The following HPS3 variants were observed in gnomAD, a reference collection of about 807,000 sequenced individuals.
The protein encoded by HPS3 is HPS3 biogenesis of lysosomal organelles complex 2 subunit 1, also known as BLOC-2 complex member HPS3.
A neutral mutation model predicts 110.9 loss-of-function variants in HPS3; 79 were observed. The observed-to-expected ratio is 0.71, with a 90% confidence interval of 0.59 to 0.86. The LOEUF (loss-of-function observed/expected upper bound fraction) is 0.86, where lower values mean the gene tolerates loss of function less well. HPS3 is among the 40% of genes least tolerant of loss of function. The pLI, the probability that HPS3 is intolerant of heterozygous loss-of-function variation, is 0.00. For missense variants in HPS3, 1,197 were observed against 1,206.2 expected, an observed-to-expected ratio of 0.99 and a Z score of 0.11; for synonymous variants, 428 against 451.0, an observed-to-expected ratio of 0.95 and a Z score of 0.65.
intron 1 of HPS3, chr3:149,130,288 A>G: frequency 2.7e-6 from 1 of 366,532 alleles, no homozygotes; most frequent in South Asian, 3.3e-5. Flanking sequence ...AAGACTTACC[A>G]AAAAAACAAG....
intron 1 of HPS3, among the ~76,000 whole-genome samples, chr3:149,131,219 A>C (rs1382134177): frequency 6.6e-6 from 1 of 152,036 alleles, no homozygotes; most frequent in Admixed American, 6.5e-5. Context: ...GGGTTACCAT[A>C]CATAGTATCT....
At chr3:149,165,009 C>T (rs888081990) in intron 14 of HPS3, among the ~76,000 whole-genome samples, 1 of 152,204 alleles carries the variant, frequency 6.6e-6, no homozygotes, top group African/African-American at 2.4e-5. Context: ...ATTGCTTAGA[C>T]TCAGCCTTCA....
chr3:149,142,475 G>T (rs762257551), intron 4 of HPS3, among the ~76,000 whole-genome samples: 2 of 152,242 alleles, frequency 1.3e-5, no homozygotes, highest in African/African-American at 4.8e-5. Context: ...CTACATGCAA[G>T]ATATCAGTTA....
rs531932979 is a variant in HPS3 at position 149,137,115 on chromosome 3, TACAAC to T, written c.218-2888_218-2884del. 3.9e-5 allele frequency among the ~76,000 whole-genome samples: 6 copies of T among 152,230 alleles called. No homozygotes were observed. In the South Asian group the frequency reaches 1.2e-3, roughly 32 times the overall value. The stretch of plus-strand genomic sequence containing the variant: ...TAGAATATATACAATAAAGAACTCT[TACAAC>T]TCAACAACAACCAAAAAAACTTGAT... On this transcript the variant is annotated intron_variant, in intron 1 of 16. Transcript: ENST00000296051.
At chr3:149,156,215 A>G (rs553068222) in intron 8 of HPS3, among the ~76,000 whole-genome samples, 46 of 152,326 alleles carry the variant, frequency 3.0e-4, no homozygotes, top group African/African-American at 1.0e-3. Flanking sequence ...AACTGCATAC[A>G]TCAGTCTTTT....
rs767183089 is a variant in HPS3, at chr3:149,140,315, C to T, written c.529C>T (p.Arg177Cys). 1.4e-5 allele frequency: 23 copies of T among 1,613,300 alleles called. No individual in the cohort carries two copies. The highest frequency in any genetic ancestry group is 2.2e-5 in the South Asian group (2 of 91,050). ...GGAATTCTCACTATTGGACTTTGAA[C>T]GTTCTTTAATTATACACATAGATAA... The part of the protein sequence containing the change: ...NEEFSLLDFE[R>C]SLIIHIDNIT... Residue 177 changes from arginine (R) to cysteine (C), a missense_variant, in exon 2 of 17, where the codon CGT becomes TGT. Arg to Cys is a radical substitution (Grantham distance 180). Coordinates refer to ENST00000296051, the MANE Select transcript of HPS3 (RefSeq NM_032383.5).
intron 1 of HPS3, among the ~76,000 whole-genome samples, chr3:149,133,043 A>G (rs543099519): frequency 2.6e-5 from 4 of 152,330 alleles, no homozygotes; most frequent in African/African-American, 9.6e-5. Context: ...TGAACAAAGA[A>G]AGTGGTTTCT....
chr3:149,157,408 G>T lies in HPS3; in HGVS notation c.1568G>T (p.Ser523Ile). 3 of 1,613,930 alleles carry T rather than the reference G, an allele frequency of 1.9e-6. No homozygotes were observed. The highest frequency in any genetic ancestry group is 1.7e-6 in the Non-Finnish European group (2 of 1,179,890). The change falls in exon 9 of 17, where the codon AGT (serine) becomes ATT (isoleucine). Residue 523 changes from serine to isoleucine, a missense_variant. Ser to Ile is a moderately radical substitution (Grantham distance 142). Transcript: ENST00000296051. ...VKTQSCIHLLSEAHLLVRAAL... is the reference protein window; with the variant it reads ...VKTQSCIHLLIEAHLLVRAAL... ...ACCCAGAGCTGCATTCACCTTCTCAGTGAGGCTCATCTGTTAGTGCGAGCT... is the reference window on the plus strand; with the variant it reads ...ACCCAGAGCTGCATTCACCTTCTCATTGAGGCTCATCTGTTAGTGCGAGCT...
rs1326857116 is a variant in HPS3, at chr3:149,162,814, A to G, written c.2417A>G (p.Tyr806Cys). ...QELFFKLTSQ[Y>C]IWRLSKRQPP... is the part of the protein sequence containing the mutation. ...CTCTTTTTCAAACTCACATCACAGT[A>G]CATCTGGAGATTGTCTAAGAGGCAG... Residue 806 changes from tyrosine to cysteine, a missense_variant, in exon 13 of 17, where the codon TAC becomes TGC. By Grantham distance (194) the Tyr-to-Cys change is radical. Transcript: ENST00000296051. 2 of 1,614,102 alleles carry G rather than the reference A, an allele frequency of 1.2e-6. No individual in the cohort carries two copies. The highest frequency in any genetic ancestry group is 2.2e-5 in the East Asian group (1 of 44,884).
At chr3:149,163,052 A>C (rs968933734) in intron 13 of HPS3, among the ~76,000 whole-genome samples, 174 bp downstream of exon 13, 48 of 152,182 alleles carry the variant, frequency 3.2e-4, no homozygotes, top group Non-Finnish European at 5.4e-4. Context: ...AGTGGCCTAC[A>C]TTTTAAATAA....
intron 8 of HPS3, among the ~76,000 whole-genome samples, chr3:149,155,480 A>T (rs895579674): frequency 3.3e-5 from 5 of 152,210 alleles, no homozygotes; most frequent in Non-Finnish European, 7.3e-5. Context: ...CAATCTGAAC[A>T]TAGTCTTTGA....
intron 14 of HPS3, among the ~76,000 whole-genome samples, chr3:149,165,223 A>G (rs1214693342): frequency 1.3e-5 from 2 of 152,150 alleles, no homozygotes; most frequent in Non-Finnish European, 2.9e-5. Context: ...AGACAGATGG[A>G]GCTTTGCCTT....
chr3:149,159,804 C>T (rs1372436976), intron 10 of HPS3, among the ~76,000 whole-genome samples: 2 of 152,080 alleles, frequency 1.3e-5, no homozygotes, highest in Non-Finnish European at 2.9e-5. Flanking sequence ...CTGGCCATAA[C>T]CTGGTACATA....
intron 8 of HPS3, among the ~76,000 whole-genome samples, 159 bp from the exon 9 acceptor site, chr3:149,157,191 A>AAG (rs1483115383): frequency 1.3e-5 from 2 of 152,128 alleles, no homozygotes; most frequent in African/African-American, 4.8e-5. Flanking sequence ...CCCTACAGCT[A>AAG]AGCCCTTGTC....
At chr3:149,137,762 G>C (rs912701269) in intron 1 of HPS3, among the ~76,000 whole-genome samples, 16 of 152,196 alleles carry the variant, frequency 1.1e-4, no homozygotes, top group Non-Finnish European at 1.5e-5. Context: ...GAGGTACCTA[G>C]AGTAGTCAAA....
At chr3:149,130,874 C>G (rs1721720269) in intron 1 of HPS3, among the ~76,000 whole-genome samples, 1 of 152,082 alleles carries the variant, frequency 6.6e-6, no homozygotes. Flanking sequence ...TAGAAAAATC[C>G]AACATTTAAA....
Position 149,133,128 on chromosome 3 carries a change from A to C in HPS3, c.217+3188A>C, listed in dbSNP as rs1344146411. ...CAACGAAGATTTAGAATATTTCATA[A>C]ACTTAGTTGATAAAGCAATGAGAAG... On this transcript the variant is annotated intron_variant, in intron 1 of 16. Transcript: ENST00000296051. 3.3e-5 allele frequency among the ~76,000 whole-genome samples: 5 copies of C among 152,304 alleles called. No homozygotes were observed. The East Asian group carries it at 9.7e-4, about 29-fold the overall frequency.
rs1389256926 is a variant in HPS3, at chr3:149,153,630, A to C, written c.1382A>C (p.Gln461Pro). Residue 461 changes from glutamine to proline, a missense_variant, in exon 7 of 17, where the codon CAG (glutamine) becomes CCG (proline). Transcript: ENST00000296051. The stretch of plus-strand genomic sequence containing the variant: ...CCTGAAGCCATTCCAGAGAGAAGAC[A>C]GTCACCCAAGAGGCTTCTGTAAGCA... ...AEPEAIPERR[Q>P]SPKRLLSRKD... 41 of 1,614,226 alleles carry C rather than the reference A, an allele frequency of 2.5e-5. No individual in the cohort carries two copies. The highest frequency in any genetic ancestry group is 3.4e-5 in the Non-Finnish European group (40 of 1,180,024).
rs1722415450 is a variant in HPS3 at position 149,141,119 on chromosome 3, T to C, written c.815T>C (p.Val272Ala). ...AAAAGTGAACAGTCTGGATTATCTG[T>C]TACACTGGAGTCTACGGGATTAGCT... is the stretch of plus-strand genomic sequence containing the variant. ...GEKSEQSGLS[V>A]TLESTGLADE... Residue 272 changes from valine (V) to alanine (A), a missense_variant, in exon 3 of 17, where the codon GTT (valine) becomes GCT (alanine). Coordinates refer to ENST00000296051, the MANE Select transcript of HPS3 (RefSeq NM_032383.5). 5.0e-6 allele frequency: 8 copies of C among 1,613,546 alleles called. No homozygotes were observed. The South Asian group carries it at 8.8e-5, about 18-fold the overall frequency.
Sources: gnomAD v4.1 joint callset for allele counts (sites outside exome capture counted in the v4.1 genomes callset) on GRCh38, gnomAD v4.1.1 for gene constraint, MANE v1.5 for transcripts, NCBI Gene and HGNC (gene_info 2026-07-23, HGNC 2026-07-21) for gene names.